UBE3C: variants seen among roughly 807,000 people sequenced by gnomAD.
UBE3C encodes ubiquitin-protein ligase E3C.
Under a neutral mutation model 129.4 loss-of-function variants are expected in UBE3C, and 42 were observed. The observed-to-expected ratio is 0.32, with a 90% CI of 0.25 to 0.42. UBE3C has a LOEUF of 0.42. Among genes scored for constraint, UBE3C ranks in the 10% least tolerant of loss-of-function variants. The probability of loss-of-function intolerance (pLI) is 1.00; values close to 1 mark genes in which losing one functional copy is unlikely to be tolerated. For synonymous variants in UBE3C, 510 were observed against 492.4 expected, an observed-to-expected ratio of 1.04 and a Z score of -0.47; for missense variants, 1,049 against 1,319.1, an observed-to-expected ratio of 0.80 and a Z score of 3.17.
intron 17 of UBE3C, among the ~76,000 whole-genome samples, chr7:157,229,545 G>T (rs1280201810): frequency 6.6e-6 from 1 of 152,168 alleles, no homozygotes; most frequent in African/African-American, 2.4e-5. Context: ...TCAAACTCCT[G>T]CCCTCAGGTG....
Position 157,207,962 on chromosome 7 carries a change from T to C in UBE3C, c.1809+27T>C, listed in dbSNP as rs562077059. On this transcript the variant is annotated intron_variant, in intron 13 of 22. Transcript: ENST00000348165. ...TATAGAGTATATGTATTTTTTTGTT[T>C]ACTGACATTGAAAAATGTACAAACT... 4 of 1,396,392 alleles carry C rather than the reference T, an allele frequency of 2.9e-6. No individual in the cohort carries two copies. In the African/African-American group the frequency reaches 4.3e-5, roughly 15 times the overall value. The allele number at this position is 1,396,392 out of a possible 1,614,324, so 86.5% of individuals were successfully genotyped here. A position where few individuals can be genotyped will look rare whatever the true frequency, so the allele number is the denominator to read the frequency against.
intron 10 of UBE3C, among the ~76,000 whole-genome samples, chr7:157,187,311 T>A (rs1444021319): frequency 6.6e-6 from 1 of 152,158 alleles, no homozygotes; most frequent in Non-Finnish European, 1.5e-5. Flanking sequence ...GCTGGACTCA[T>A]ACCTGCATTA....
At chr7:157,171,097 G>A (rs1388346779) in intron 4 of UBE3C, among the ~76,000 whole-genome samples, 1 of 146,496 alleles carries the variant, frequency 6.8e-6, no homozygotes, top group Non-Finnish European at 1.5e-5. Flanking sequence ...ATAGGCGTGA[G>A]CCACTGTACA....
intron 12 of UBE3C, 39 bp from the exon 13 acceptor site, chr7:157,207,664 G>A (rs764298149): frequency 2.5e-6 from 4 of 1,598,270 alleles, no homozygotes; most frequent in East Asian, 2.2e-5. Context: ...GTTAAAAGAT[G>A]GAAAAAGAAA....
In UBE3C at chr7:157,138,987, C is replaced by A. The variant is rs924064565; in HGVS notation, c.-286C>A. 2.0e-5 allele frequency: 3 copies of A among 152,950 alleles called. No individual in the cohort carries two copies. The highest frequency in any genetic ancestry group is 4.8e-5 in the African/African-American group (2 of 41,436). 9.5% of individuals were successfully genotyped at this position (152,950 alleles called of 1,614,324 possible). A position where few individuals can be genotyped will look rare whatever the true frequency, so the allele number is the denominator to read the frequency against. The stretch of plus-strand genomic sequence containing the variant: ...AGGCGGCAGTTCCAGGTGCAAGCGC[C>A]GGGTTTGCTGCCCGCTGGGCGCCCC... On this transcript the variant is annotated 5_prime_UTR_variant, in exon 1 of 23. Coordinates refer to ENST00000348165, the MANE Select transcript of UBE3C (RefSeq NM_014671.3).
At chr7:157,210,285 C>CTT (rs35887132) in intron 13 of UBE3C, among the ~76,000 whole-genome samples, 17 of 147,116 alleles carry the variant, frequency 1.2e-4, no homozygotes, top group African/African-American at 4.0e-4. Flanking sequence ...GTTTAAAGAC[C>CTT]TTTTTTTTTT....
intron 16 of UBE3C, 60 bp downstream of exon 16, chr7:157,223,411 C>T (rs1391053357): frequency 2.1e-6 from 3 of 1,422,896 alleles, no homozygotes; most frequent in Non-Finnish European, 2.9e-6. Flanking sequence ...GAAATTAACA[C>T]ACACCCACCA....
At chr7:157,266,377 G>T (rs1343589984) in intron 22 of UBE3C, among the ~76,000 whole-genome samples, 1 of 152,176 alleles carries the variant, frequency 6.6e-6, no homozygotes, top group African/African-American at 2.4e-5. Context: ...CTTGAAAACT[G>T]ATAGAGGTCT....
intron 1 of UBE3C, among the ~76,000 whole-genome samples, chr7:157,161,434 G>T (rs1290875377): frequency 1.3e-5 from 2 of 149,842 alleles, no homozygotes; most frequent in Non-Finnish European, 2.9e-5. Context: ...GTATCTGGAG[G>T]ATTAATTTCT....
chr7:157,226,914 C>A (rs1795894921), intron 17 of UBE3C, among the ~76,000 whole-genome samples: 1 of 152,170 alleles, frequency 6.6e-6, no homozygotes, highest in South Asian at 2.1e-4. Context: ...AGACTAGGTA[C>A]TTTGACTCCT....
At chr7:157,250,860 C>T (rs752929992) in intron 19 of UBE3C, among the ~76,000 whole-genome samples, 6 of 152,140 alleles carry the variant, frequency 3.9e-5, no homozygotes, top group Admixed American at 3.9e-4. Context: ...GTTGTGGTGA[C>T]CTGCCTGAGG....
Position 157,170,409 on chromosome 7 carries a change from C to T in UBE3C, c.301C>T (p.Leu101Phe), listed in dbSNP as rs1468918394. ...GPNLTLLVRQLLFFYKQNEDS... is the reference protein window; with the variant it reads ...GPNLTLLVRQFLFFYKQNEDS... ...CAACCTTACCCTTTTGGTAAGGCAG[C>T]TTCTGTTTTTTTACAAACAAAATGA... Residue 101 changes from leucine to phenylalanine, a missense_variant, in exon 4 of 23, where the codon CTT becomes TTT. Transcript: ENST00000348165. 1.2e-5 allele frequency: 19 copies of T among 1,567,548 alleles called. No individual in the cohort carries two copies. The highest frequency in any genetic ancestry group is 1.6e-5 in the Non-Finnish European group (19 of 1,160,038).
chr7:157,150,733 T>A (rs1428533707), intron 1 of UBE3C, among the ~76,000 whole-genome samples: 1 of 152,268 alleles, frequency 6.6e-6, no homozygotes, highest in Non-Finnish European at 1.5e-5. Context: ...AGGATTGCAG[T>A]CTGCATTTAA....
At chr7:157,168,801 C>T (rs1481381582) in intron 2 of UBE3C, among the ~76,000 whole-genome samples, 9 of 152,106 alleles carry the variant, frequency 5.9e-5, no homozygotes, top group Non-Finnish European at 7.4e-5. Flanking sequence ...CGGCAGGAAA[C>T]GGGGGGTGAC....
At chr7:157,214,259 A>G (rs1809674189) in intron 13 of UBE3C, among the ~76,000 whole-genome samples, 1 of 151,996 alleles carries the variant, frequency 6.6e-6, no homozygotes, top group Non-Finnish European at 1.5e-5. Context: ...TAATTGTATA[A>G]TAATTTAGTA....
intron 15 of UBE3C, chr7:157,221,847 T>C (rs184721857): frequency 3.3e-5 from 5 of 152,336 alleles, no homozygotes; most frequent in African/African-American, 1.2e-4. Context: ...TTCATGAATT[T>C]GTTTTTTTGT....
chr7:157,263,741 T>C (rs1796986816), intron 22 of UBE3C, among the ~76,000 whole-genome samples: 1 of 151,504 alleles, frequency 6.6e-6, no homozygotes, highest in South Asian at 2.1e-4. Context: ...AAGCACTTTT[T>C]TTATATTGGA....
chr7:157,256,739 G>A (rs1477510450), intron 21 of UBE3C, 175 bp from the exon 22 acceptor site: 2 of 685,984 alleles, frequency 2.9e-6, no homozygotes, highest in African/African-American at 3.6e-5. Context: ...GTGCTCTAGA[G>A]ATCATGGAAG....
chr7:157,239,665 A>T (rs1280974845), intron 18 of UBE3C, among the ~76,000 whole-genome samples: 1 of 152,204 alleles, frequency 6.6e-6, no homozygotes, highest in Admixed American at 6.5e-5. Flanking sequence ...CTTAAGGGAT[A>T]TGGGGCTAGG....
Sources: gnomAD v4.1 joint callset for allele counts (sites outside exome capture counted in the v4.1 genomes callset) on GRCh38, gnomAD v4.1.1 for gene constraint, MANE v1.5 for transcripts, NCBI Gene and HGNC (gene_info 2026-07-23, HGNC 2026-07-21) for gene names.